The following RYR2 variants were observed in gnomAD, a reference collection of about 807,000 sequenced individuals.
RYR2 encodes the protein ryanodine receptor 2, also known as cardiac muscle ryanodine receptor-calcium release channel.
In RYR2, 227 loss-of-function variants were observed where a neutral mutation model predicts 601.1. The ratio of observed to expected loss-of-function variants is 0.38; its 90% confidence interval spans 0.34 to 0.42. RYR2 has a LOEUF of 0.42. Ranked by LOEUF, RYR2 falls within the 10% of genes least tolerant of loss-of-function variation. The pLI is 1.00. For synonymous variants in RYR2, 2,223 were observed against 2,175.1 expected, an observed-to-expected ratio of 1.02 and a Z score of -0.61; for missense variants, 4,646 against 6,156.5, an observed-to-expected ratio of 0.75 and a Z score of 8.21.
intron 2 of RYR2, among the ~76,000 whole-genome samples, chr1:237,306,916 T>G (rs1362966442): frequency 6.6e-6 from 1 of 152,200 alleles, no homozygotes. Context: ...AATATGATGA[T>G]TCATTGTAAC....
chr1:237,103,508 C>T (rs1009611857), intron 1 of RYR2, among the ~76,000 whole-genome samples: 2 of 152,204 alleles, frequency 1.3e-5, no homozygotes, highest in Admixed American at 6.5e-5. Context: ...GTGTCTGGGC[C>T]GTGGGCCTTC....
At chr1:237,588,180 A>C (rs532740536) in intron 29 of RYR2, among the ~76,000 whole-genome samples, 3 of 152,084 alleles carry the variant, frequency 2.0e-5, no homozygotes, top group Non-Finnish European at 4.4e-5. Flanking sequence ...CTCTTCCTTG[A>C]ACACAGCTGG....
chr1:237,174,013 T>C (rs1000008762), intron 1 of RYR2, among the ~76,000 whole-genome samples: 1 of 152,146 alleles, frequency 6.6e-6, no homozygotes, highest in East Asian at 1.9e-4. Context: ...GCCGAGATCT[T>C]GCCACTGCAC....
In RYR2 at chr1:237,388,134, G is replaced by A. The variant is rs1060499569; in HGVS notation, c.724G>A (p.Asp242Asn). 1 of 1,613,958 alleles carries A rather than the reference G, an allele frequency of 6.2e-7. No individual in the cohort carries two copies. The highest frequency in any genetic ancestry group is 8.5e-7 in the Non-Finnish European group (1 of 1,179,896). ...CCTCAGGTTGCTGCATGGACACATG[G>A]ACGAGTGTCTCACTGTCCCTTCAGG... ...DVLRLLHGHMDECLTVPSGEH... is the reference protein window; with the variant it reads ...DVLRLLHGHMNECLTVPSGEH... Residue 242 changes from aspartate to asparagine, a missense_variant, in exon 10 of 105, where the codon GAC becomes AAC. This residue lies in a region of RYR2 where 87 missense variants were observed against 144.7 expected (regional missense o/e 0.60). Coordinates refer to ENST00000366574, the MANE Select transcript of RYR2 (RefSeq NM_001035.3).
chr1:237,779,920 C>T (rs1478194948), intron 88 of RYR2, among the ~76,000 whole-genome samples: 3 of 152,140 alleles, frequency 2.0e-5, no homozygotes, highest in Non-Finnish European at 4.4e-5. Context: ...ACAAAAGGTT[C>T]ATTGGTGTAA....
intron 89 of RYR2, 133 bp from the exon 90 acceptor site, chr1:237,783,542 C>CT (rs1695299693): frequency 1.7e-6 from 1 of 605,496 alleles, no homozygotes; most frequent in Non-Finnish European, 2.9e-6. Context: ...AAATAATTAT[C>CT]TTTTTATAGA....
At position 237,639,118 on chromosome 1, in the gene RYR2, T is replaced by A; in HGVS notation, c.7032T>A (p.Leu2344=). ...GAGGAGAAGGTGGGAATGGGCTTCTTGCAGCAATGGAAGAAGCCATCAAAA... is the reference window on the plus strand; with the variant it reads ...GAGGAGAAGGTGGGAATGGGCTTCTAGCAGCAATGGAAGAAGCCATCAAAA... ...ALRGEGGNGL[L]AAMEEAIKIA... Residue 2344 remains leucine (L), a synonymous_variant, in exon 46 of 105, where the codon CTT becomes CTA. Transcript: ENST00000366574. The A allele has an allele frequency of 6.2e-7, 1 of 1,613,866 alleles. No homozygotes were observed. Among genetic ancestry groups the A allele is most frequent in the Non-Finnish European group, 8.5e-7 (1 of 1,179,844 alleles).
Position 237,198,045 on chromosome 1 carries a change from G to A in RYR2, c.49-72452G>A, listed in dbSNP as rs190568222. On this transcript the variant is annotated intron_variant, in intron 1 of 104. Transcript: ENST00000366574. ...ACATATTTTTGCTAATGAGGCAGTG[G>A]GAAAGACGGAAGAAGATTAGGATCA... is the stretch of plus-strand genomic sequence containing the variant. Among the ~76,000 whole-genome samples, 322 of 152,290 alleles carry A rather than the reference G, an allele frequency of 2.1e-3. 3 individuals carry two copies. The highest frequency in any genetic ancestry group is 7.4e-3 in the African/African-American group (309 of 41,558).
intron 1 of RYR2, among the ~76,000 whole-genome samples, chr1:237,101,010 C>T (rs1436259082): frequency 2.0e-5 from 3 of 152,020 alleles, no homozygotes; most frequent in Non-Finnish European, 2.9e-5. Context: ...AGCTGACAGA[C>T]GTGTCTGCTA....
At chr1:237,581,526 T>A (rs1480440900) in intron 29 of RYR2, among the ~76,000 whole-genome samples, 1 of 152,192 alleles carries the variant, frequency 6.6e-6, no homozygotes, top group Non-Finnish European at 1.5e-5. Context: ...TTTATCATGC[T>A]GCTGTTTTAG....
chr1:237,188,754 T>A (rs1345954891), intron 1 of RYR2, among the ~76,000 whole-genome samples: 4 of 151,820 alleles, frequency 2.6e-5, no homozygotes, highest in Non-Finnish European at 5.9e-5. Context: ...TTAGTAGAAA[T>A]GGGGTTTCAC....
intron 12 of RYR2, among the ~76,000 whole-genome samples, chr1:237,437,124 A>G (rs1465611678): frequency 1.3e-5 from 2 of 151,722 alleles, no homozygotes; most frequent in African/African-American, 4.8e-5. Flanking sequence ...GGCTCACTGC[A>G]AGCTCTGCCT....
chr1:237,709,355 AAC>A, intron 69 of RYR2, 123 bp from the exon 70 acceptor site: 1 of 726,218 alleles, frequency 1.4e-6, no homozygotes, highest in South Asian at 1.7e-5. Flanking sequence ...TAAATATTAC[AAC>A]ACTGTGCTGA....
At chr1:237,047,346 A>G (rs893710074) in intron 1 of RYR2, among the ~76,000 whole-genome samples, 2 of 149,400 alleles carry the variant, frequency 1.3e-5, no homozygotes, top group Admixed American at 6.6e-5. Flanking sequence ...CATGGCCTGA[A>G]TCTTGGTCCT....
intron 10 of RYR2, among the ~76,000 whole-genome samples, chr1:237,391,633 T>C (rs1414647992): frequency 2.0e-5 from 3 of 152,164 alleles, no homozygotes; most frequent in Non-Finnish European, 4.4e-5. Flanking sequence ...TTGACAGTTA[T>C]TTAATATACA....
In RYR2 at chr1:237,797,923, A is replaced by ATTGT. The variant is rs998132811; in HGVS notation, c.13957-112_13957-109dup. The stretch of plus-strand genomic sequence containing the variant: ...TGAGCCACACACTAGATTTTAAGTG[A>ATTGT]TTGTTAGGGCAAATATACAGTAAGT... On this transcript the variant is annotated intron_variant, in intron 96 of 104. Coordinates refer to ENST00000366574, the MANE Select transcript of RYR2 (RefSeq NM_001035.3). The ATTGT allele has an allele frequency of 3.1e-6, 3 of 983,106 alleles. No homozygotes were observed. The African/African-American group carries it at 5.1e-5, about 17-fold the overall frequency. 60.9% of individuals were successfully genotyped at this position (983,106 alleles called of 1,614,324 possible).
intron 1 of RYR2, among the ~76,000 whole-genome samples, chr1:237,110,736 T>C (rs1046266652): frequency 1.3e-5 from 2 of 152,182 alleles, no homozygotes; most frequent in African/African-American, 2.4e-5. Flanking sequence ...TCAGCTTCAT[T>C]TCTCCCTCGG....
intron 1 of RYR2, among the ~76,000 whole-genome samples, chr1:237,192,662 A>C (rs1680103700): frequency 6.6e-6 from 1 of 152,222 alleles, no homozygotes; most frequent in Non-Finnish European, 1.5e-5. Flanking sequence ...AGATTATGGG[A>C]GACATTAATC....
chr1:237,745,905 T>A (rs904904445), intron 80 of RYR2, among the ~76,000 whole-genome samples: 7 of 151,918 alleles, frequency 4.6e-5, no homozygotes, highest in Non-Finnish European at 7.4e-5. Context: ...TTGCGCTTCC[T>A]AATGAGATTT....
Sources: gnomAD v4.1 joint callset for allele counts (sites outside exome capture counted in the v4.1 genomes callset) on GRCh38, gnomAD v4.1.1 for gene constraint, gnomAD v4.1.1 regional missense constraint, MANE v1.5 for transcripts, NCBI Gene and HGNC (gene_info 2026-07-23, HGNC 2026-07-21) for gene names.